JAG2: variants seen among roughly 807,000 people sequenced by gnomAD.
JAG2 encodes the protein protein jagged-2.
A neutral mutation model predicts 141.7 loss-of-function variants in JAG2; 46 were observed. That is an observed-to-expected ratio of 0.32 (90% confidence interval 0.26 to 0.42). JAG2 has a LOEUF of 0.42. JAG2 is among the 10% of genes least tolerant of loss of function. The pLI, the probability that JAG2 is intolerant of heterozygous loss-of-function variation, is 1.00. For synonymous variants in JAG2, 862 were observed against 763.5 expected (o/e 1.13, Z -2.13); for missense variants, 1,500 against 1,817.5 (o/e 0.83, Z 3.18).
intron 2 of JAG2, among the ~76,000 whole-genome samples, chr14:105,163,745 G>A (rs1405248747): frequency 6.6e-6 from 1 of 151,822 alleles, no homozygotes; most frequent in East Asian, 1.9e-4. Flanking sequence ...ACCCTGCTCA[G>A]TCCTGGGACC....
chr14:105,157,470 G>GC (rs1404096673), intron 3 of JAG2, among the ~76,000 whole-genome samples: 1 of 152,176 alleles, frequency 6.6e-6, no homozygotes, highest in Non-Finnish European at 1.5e-5. Context: ...CCCCAAAAGA[G>GC]CACACCCAAG....
rs1437975309 is a variant in JAG2 at position 105,145,879 on chromosome 14, G to A, written c.2804C>T (p.Pro935Leu). The A allele has an allele frequency of 3.1e-5, 49 of 1,561,012 alleles. No homozygotes were observed. The highest frequency in any genetic ancestry group is 4.1e-5 in the Non-Finnish European group (47 of 1,153,422). Residue 935 changes from proline to leucine, a missense_variant, in exon 23 of 26, where the codon CCA becomes CTA. Physicochemically the swap from Pro to Leu is moderately conservative, Grantham distance 98. Coordinates refer to ENST00000331782, the MANE Select transcript of JAG2 (RefSeq NM_002226.5). ...PLGQRCLEKA[P>L]GQCLRPPCEA... Reference sequence around the variant, plus strand: ...ACAGGGTGGTCGCAGACACTGGCCTGGGGCCTTCTCCAGGCACCTTTGCCC... The same window carrying A: ...ACAGGGTGGTCGCAGACACTGGCCTAGGGCCTTCTCCAGGCACCTTTGCCC...
chr14:105,152,108 C>G, intron 6 of JAG2, 51 bp from the exon 7 acceptor site: 4 of 1,613,414 alleles, frequency 2.5e-6, no homozygotes, highest in Non-Finnish European at 3.4e-6. Flanking sequence ...CCCGCTCCCC[C>G]ACAACCCACA....
In JAG2 at chr14:105,143,417, G is replaced by T. The variant is rs1337546793; in HGVS notation, c.3241+65C>A. The T allele has an allele frequency of 9.2e-6, 14 of 1,514,880 alleles. No individual in the cohort carries two copies. In the South Asian group the frequency reaches 1.1e-4, roughly 12 times the overall value. The allele number at this position is 1,514,880 out of a possible 1,614,324, so 93.8% of individuals were successfully genotyped here. On this transcript the variant is annotated intron_variant, in intron 25 of 25. Transcript: ENST00000331782. ...CTGGCAGGATCGGCAGGATCGGCCGGCTCTGTGCCCAATGCCTGAGTTGCC... is the reference window on the plus strand; with the variant it reads ...CTGGCAGGATCGGCAGGATCGGCCGTCTCTGTGCCCAATGCCTGAGTTGCC...
intron 5 of JAG2, among the ~76,000 whole-genome samples, chr14:105,153,096 C>CG (rs1455003071): frequency 2.0e-5 from 3 of 152,108 alleles, no homozygotes; most frequent in Admixed American, 2.0e-4. Context: ...CCGGGACTCC[C>CG]GGGGGGCCCT....
Position 105,149,280 on chromosome 14 carries a change from C to T in JAG2, c.1643G>A (p.Gly548Asp). ...ACCCTCCAGGTTATAGCAGCGAGCG[C>T]CGTTCCGGCAGGGGCTTGGCTCACA... is the stretch of plus-strand genomic sequence containing the variant. ...DLCEPSPCRN[G>D]ARCYNLEGDY... Residue 548 changes from glycine to aspartate, a missense_variant, in exon 13 of 26, where the codon GGC becomes GAC. By Grantham distance (94) the Gly-to-Asp change is moderately conservative (BLOSUM62 -1). Coordinates refer to ENST00000331782, the MANE Select transcript of JAG2 (RefSeq NM_002226.5). 1 of 1,612,724 alleles carries T rather than the reference C, an allele frequency of 6.2e-7. No homozygotes were observed. Among genetic ancestry groups the T allele is most frequent in the Non-Finnish European group, 8.5e-7 (1 of 1,179,980 alleles).
Position 105,168,455 on chromosome 14 carries a change from G to A in JAG2, c.-35C>T. 3 of 595,452 alleles carry A rather than the reference G, an allele frequency of 5.0e-6. No homozygotes were observed. Among genetic ancestry groups the A allele is most frequent in the Non-Finnish European group, 6.3e-6 (3 of 476,862 alleles). The allele number at this position is 595,452 out of a possible 1,614,324, so 36.9% of individuals were successfully genotyped here. Reference sequence around the variant, plus strand: ...GACCCGCCCGCCCGGCCCCGCCGCCGCCGCCCGCGCCCGGCTCCCAGCCGC... The same window carrying A: ...GACCCGCCCGCCCGGCCCCGCCGCCACCGCCCGCGCCCGGCTCCCAGCCGC... On this transcript the variant is annotated 5_prime_UTR_variant, in exon 1 of 26. Transcript: ENST00000331782.
rs371677360 is a variant in JAG2 at position 105,151,411 on chromosome 14, G to A, written c.1154-15C>T. The A allele has an allele frequency of 5.7e-4, 920 of 1,604,346 alleles. No individual in the cohort carries two copies. Among genetic ancestry groups the A allele is most frequent in the Non-Finnish European group, 7.3e-4 (861 of 1,175,724 alleles). Reference sequence around the variant, plus strand: ...CTCATCGATGTCTGCAGAGGGTGGAGAAAGGTGGGGCCCTGGCAGTGTGAG... The same window carrying A: ...CTCATCGATGTCTGCAGAGGGTGGAAAAAGGTGGGGCCCTGGCAGTGTGAG... On this transcript the variant is annotated splice_polypyrimidine_tract_variant and intron_variant, in intron 8 of 25. Coordinates refer to ENST00000331782, the MANE Select transcript of JAG2 (RefSeq NM_002226.5).
At chr14:105,156,875 C>T (rs1207605512) in intron 3 of JAG2, among the ~76,000 whole-genome samples, 2 of 152,078 alleles carry the variant, frequency 1.3e-5, no homozygotes, top group Admixed American at 6.5e-5. Flanking sequence ...TGCCCTGAGC[C>T]GCTGGGGTCC....
chr14:105,148,166 G>C lies in JAG2; in HGVS notation c.2198C>G (p.Thr733Ser). The C allele has an allele frequency of 1.3e-6, 2 of 1,551,482 alleles. No individual in the cohort carries two copies. Among genetic ancestry groups the C allele is most frequent in the Non-Finnish European group, 1.7e-6 (2 of 1,147,632 alleles). Residue 733 changes from threonine (T) to serine (S), a missense_variant, in exon 17 of 26, where the codon ACC becomes AGC. Physicochemically the swap from Thr to Ser is moderately conservative, Grantham distance 58. Around this residue, in one of 3 missense-constraint regions of JAG2, gnomAD observed 875 missense variants for 1,202.2 expected, o/e 0.73. Transcript: ENST00000331782. ...NGGTCYDSGD[T>S]FRCACPPGWK... ...GCCGGGGGGGCAGGCGCAGCGGAAGGTGTCGCCGCTGTCGTAGCAGGTGCC... is the reference window on the plus strand; with the variant it reads ...GCCGGGGGGGCAGGCGCAGCGGAAGCTGTCGCCGCTGTCGTAGCAGGTGCC...
rs1299615425 is a variant in JAG2, at chr14:105,149,389, G to A, written c.1603-69C>T. The A allele has an allele frequency of 3.1e-6, 5 of 1,599,776 alleles. No individual in the cohort carries two copies. The African/African-American group carries it at 5.4e-5, about 17-fold the overall frequency. The stretch of plus-strand genomic sequence containing the variant: ...GGCCGGGAACACAGGCCAGGCCTCT[G>A]TCCATACGAAGGTAGATCCCTGGGG... On this transcript the variant is annotated intron_variant, in intron 12 of 25. Coordinates refer to ENST00000331782, the MANE Select transcript of JAG2 (RefSeq NM_002226.5).
chr14:105,155,051 C>G, intron 5 of JAG2, among the ~76,000 whole-genome samples: 1 of 147,210 alleles, frequency 6.8e-6, no homozygotes. Context: ...AGCCTCCCGT[C>G]TGGTGCTTCC....
chr14:105,155,595 A>C lies in JAG2; in HGVS notation c.755T>G (p.Leu252Arg). The C allele has an allele frequency of 6.2e-7, 1 of 1,612,840 alleles. No homozygotes were observed. Among genetic ancestry groups the C allele is most frequent in the Non-Finnish European group, 8.5e-7 (1 of 1,179,956 alleles). The change falls in exon 5 of 26, where the codon CTC becomes CGC. Residue 252 changes from leucine to arginine, a missense_variant. Leu to Arg is a moderately radical substitution (Grantham distance 102, BLOSUM62 -2). Transcript: ENST00000331782. ...EAVCKQGCNL[L>R]HGGCTVPGEC... is the part of the protein sequence containing the mutation. ...CCCAGGCACGGTGCATCCCCCGTGG[A>C]GCAAATTACACCCTTGTTTACACAC... is the stretch of plus-strand genomic sequence containing the variant.
chr14:105,145,130 C>T (rs1214031197), intron 23 of JAG2, 69 bp from the exon 24 acceptor site: 19 of 1,588,926 alleles, frequency 1.2e-5, no homozygotes, highest in South Asian at 2.2e-5. Flanking sequence ...CCTGGACTGG[C>T]GCTGTGGGTA....
chr14:105,146,358 G>A, intron 22 of JAG2, 27 bp downstream of exon 22: 1 of 1,577,688 alleles, frequency 6.3e-7, no homozygotes. Context: ...CTCGGGTAGG[G>A]CAGGGCGGCT....
chr14:105,147,766 A>G lies in JAG2; in HGVS notation c.2365+6T>C, dbSNP rs112948395. ...CGGCCCCCGCCCACACCCCTCCCACACTCACTGTGAGTGCAAGTACGACCC... is the reference window on the plus strand; with the variant it reads ...CGGCCCCCGCCCACACCCCTCCCACGCTCACTGTGAGTGCAAGTACGACCC... On this transcript the variant is annotated splice_donor_region_variant and intron_variant, in intron 18 of 25. Transcript: ENST00000331782. 4.8e-3 allele frequency: 7,272 copies of G among 1,530,688 alleles called. 309 individuals are homozygous for G. In the African/African-American group the frequency reaches 0.089, roughly 19 times the overall value. The allele number at this position is 1,530,688 out of a possible 1,614,324, so 94.8% of individuals were successfully genotyped here.
chr14:105,150,711 G>A lies in JAG2; in HGVS notation c.1495C>T (p.Arg499Ter). 6.4e-7 allele frequency: 1 copy of A among 1,566,688 alleles called. No individual in the cohort carries two copies. The highest frequency in any genetic ancestry group is 8.6e-7 in the Non-Finnish European group (1 of 1,156,200). ...CAGGGGCTGCTGGCACACTCGTCTC[G>A]TTCCAGCTCGCAATGCCGGCCTCCG... ...GFGGRHCELERDECASSPCHS... is the reference protein window; with the variant it reads ...GFGGRHCELE Residue 499 changes from arginine to a stop codon, truncating the protein, a stop_gained, in exon 12 of 26, where the codon CGA (arginine) becomes TGA (stop). Transcript: ENST00000331782. LOFTEE classifies it high-confidence loss of function.
rs758122188 is a variant in JAG2 at position 105,168,033 on chromosome 14, G to A, written c.141C>T (p.Gly47=). The stretch of plus-strand genomic sequence containing the variant: ...TCCGGCCGTCGCCGTCACAGCAGGC[G>A]CCGCTCAGCAGCTCCCCGTTCACGT... ...LRNVNGELLS[G]ACCDGDGRTT... Residue 47 remains glycine, a synonymous_variant, in exon 2 of 26, where the codon GGC becomes GGT. Transcript: ENST00000331782. 4 of 1,595,574 alleles carry A rather than the reference G, an allele frequency of 2.5e-6. No individual in the cohort carries two copies. Among genetic ancestry groups the A allele is most frequent in the Admixed American group, 3.4e-5 (2 of 59,544 alleles).
rs1244712555 is a variant in JAG2, at chr14:105,157,775, G to C, written c.418-12C>G. On this transcript the variant is annotated splice_polypyrimidine_tract_variant and intron_variant, in intron 2 of 25. Transcript: ENST00000331782. ...AGGGTAAAGGAGCGCTGCAGACATG[G>C]GGAGGCGGGTCAGGTACCTGAGGCC... 11 of 1,568,604 alleles carry C rather than the reference G, an allele frequency of 7.0e-6. No homozygotes were observed. Among genetic ancestry groups the C allele is most frequent in the Non-Finnish European group, 8.6e-6 (10 of 1,158,664 alleles).
Sources: allele counts gnomAD v4.1 joint callset (sites outside exome capture counted in the v4.1 genomes callset), GRCh38; gene constraint gnomAD v4.1.1; regional missense constraint gnomAD v4.1.1; transcripts MANE v1.5; gene names NCBI Gene and HGNC (gene_info 2026-07-23, HGNC 2026-07-21).